Variants in BICD1 observed in about 807,000 individuals in gnomAD.
BICD1 encodes the protein protein bicaudal D homolog 1.
Under a neutral mutation model 92.5 loss-of-function variants are expected in BICD1, and 35 were observed. The ratio of observed to expected loss-of-function variants is 0.38; its 90% CI spans 0.29 to 0.50. BICD1 has a LOEUF of 0.50. Among genes scored for constraint, BICD1 ranks in the 20% least tolerant of loss-of-function variants. The pLI is 0.93. For synonymous variants in BICD1, 429 were observed against 465.1 expected (o/e 0.92, Z 1.00); for missense variants, 950 against 1,189.8 (o/e 0.80, Z 2.97).
chr12:32,110,145 G>A (rs1433195611), intron 1 of BICD1, among the ~76,000 whole-genome samples: 4 of 152,196 alleles, frequency 2.6e-5, no homozygotes, highest in Non-Finnish European at 5.9e-5. Context: ...AGTCTTTGCA[G>A]ATCATTTTGT....
In BICD1 at chr12:32,117,754, A is replaced by ATT. The variant is rs1280074338; in HGVS notation, c.213+10211_213+10212insTT. 4.6e-3 allele frequency among the ~76,000 whole-genome samples: 484 copies of ATT among 106,080 alleles called. 3 individuals carry two copies. Among genetic ancestry groups the ATT allele is most frequent in the African/African-American group, 0.014 (448 of 32,398 alleles). 69.6% of individuals were successfully genotyped at this position (106,080 alleles called of 152,430 possible). A position where few individuals can be genotyped will look rare whatever the true frequency, so the allele number is the denominator to read the frequency against. ...CACACACATATATATATATATATAT[A>ATT]TATATTTTTTTTTAAGACCATATTT... is the stretch of plus-strand genomic sequence containing the variant. On this transcript the variant is annotated intron_variant, in intron 1 of 9. Coordinates refer to ENST00000652176, the MANE Select transcript of BICD1 (RefSeq NM_001714.4).
At chr12:32,254,721 T>A (rs561620273) in intron 2 of BICD1, among the ~76,000 whole-genome samples, 3 of 152,162 alleles carry the variant, frequency 2.0e-5, no homozygotes. Context: ...TTGGGCCAAG[T>A]CTTCTGGAAT....
intron 8 of BICD1, among the ~76,000 whole-genome samples, chr12:32,366,650 T>TAAACAAAC (rs143879118): frequency 2.6e-5 from 4 of 152,036 alleles, no homozygotes; most frequent in African/African-American, 9.7e-5. Context: ...CTGTCTCAAA[T>TAAACAAAC]AAACAAACAA....
chr12:32,154,102 C>T (rs1943367399), intron 1 of BICD1, among the ~76,000 whole-genome samples: 1 of 151,948 alleles, frequency 6.6e-6, no homozygotes, highest in Non-Finnish European at 1.5e-5. Context: ...TATTGCTGTG[C>T]AGGCAAAAAA....
At chr12:32,194,852 C>T (rs1188678450) in intron 1 of BICD1, among the ~76,000 whole-genome samples, 2 of 151,670 alleles carry the variant, frequency 1.3e-5, no homozygotes, top group Non-Finnish European at 2.9e-5. Flanking sequence ...ATTGCACTCC[C>T]GCCTGGGCAA....
chr12:32,294,781 C>T (rs1374158244), intron 3 of BICD1, among the ~76,000 whole-genome samples: 1 of 151,602 alleles, frequency 6.6e-6, no homozygotes, highest in Admixed American at 6.6e-5. Flanking sequence ...TCAAGAAGAG[C>T]AAAATTATAA....
chr12:32,348,648 G>A (rs1284316770), intron 8 of BICD1, among the ~76,000 whole-genome samples: 2 of 147,862 alleles, frequency 1.4e-5, no homozygotes, highest in African/African-American at 5.0e-5. Context: ...TGAGGCCCAG[G>A]ACATTCCAGG....
intron 2 of BICD1, among the ~76,000 whole-genome samples, chr12:32,236,682 C>T (rs1477034665): frequency 6.6e-6 from 1 of 152,082 alleles, no homozygotes; most frequent in African/African-American, 2.4e-5. Context: ...AAAAGCTAGG[C>T]CTATTGTGCC....
intron 1 of BICD1, among the ~76,000 whole-genome samples, chr12:32,115,170 A>G (rs1274298675): frequency 6.6e-6 from 1 of 152,052 alleles, no homozygotes; most frequent in Non-Finnish European, 1.5e-5. Context: ...TCTATTTTTC[A>G]TTTCAAGAGT....
intron 2 of BICD1, among the ~76,000 whole-genome samples, chr12:32,272,333 T>G (rs1440914314): frequency 1.3e-5 from 2 of 152,156 alleles, no homozygotes; most frequent in African/African-American, 4.8e-5. Context: ...ATTACAAAGT[T>G]TTCCAGAGCT....
At chr12:32,175,889 AC>A in intron 1 of BICD1, among the ~76,000 whole-genome samples, 1 of 152,220 alleles carries the variant, frequency 6.6e-6, no homozygotes, top group African/African-American at 2.4e-5. Context: ...CCCTGTTCGC[AC>A]CTTTACCCCT....
intron 4 of BICD1, among the ~76,000 whole-genome samples, chr12:32,315,094 A>G (rs940384820): frequency 2.0e-5 from 3 of 152,138 alleles, no homozygotes; most frequent in African/African-American, 7.2e-5. Flanking sequence ...TATCTCTTAC[A>G]TTTAGGTCTT....
intron 2 of BICD1, among the ~76,000 whole-genome samples, chr12:32,239,953 A>G (rs1402106875): frequency 2.0e-5 from 3 of 152,134 alleles, no homozygotes; most frequent in Non-Finnish European, 4.4e-5. Context: ...TAGATATGGT[A>G]TTGAACACTT....
Position 32,357,080 on chromosome 12 carries a change from C to T in BICD1, c.2765-10590C>T, listed in dbSNP as rs1049193134. Among the ~76,000 whole-genome samples the T allele has an allele frequency of 4.7e-5, 7 of 148,526 alleles. No homozygotes were observed. In the East Asian group the frequency reaches 6.0e-4, roughly 13 times the overall value. On this transcript the variant is annotated intron_variant, in intron 8 of 9. Coordinates refer to ENST00000652176, the MANE Select transcript of BICD1 (RefSeq NM_001714.4). ...AAGCTGGAGTGTGATGGCGCGATCT[C>T]GGCTCATTGCAACCTCCACCCCCCG...
chr12:32,122,054 C>CATCT (rs1942174072), intron 1 of BICD1, among the ~76,000 whole-genome samples: 1 of 152,062 alleles, frequency 6.6e-6, no homozygotes, highest in South Asian at 2.1e-4. Context: ...GGACTCAAGA[C>CATCT]ATCTACCTGC....
intron 2 of BICD1, among the ~76,000 whole-genome samples, chr12:32,226,800 T>C (rs192648736): frequency 6.6e-6 from 1 of 152,314 alleles, no homozygotes; most frequent in Non-Finnish European, 1.5e-5. Flanking sequence ...CCAGAAACAC[T>C]AGCAGGTAAG....
chr12:32,365,054 G>A (rs555152674), intron 8 of BICD1, among the ~76,000 whole-genome samples: 11 of 152,186 alleles, frequency 7.2e-5, no homozygotes, highest in Admixed American at 5.2e-4. Flanking sequence ...TGGTTAACAC[G>A]GTGAAACCCC....
intron 2 of BICD1, among the ~76,000 whole-genome samples, chr12:32,218,819 A>G (rs1945432640): frequency 6.6e-6 from 1 of 152,216 alleles, no homozygotes; most frequent in Admixed American, 6.5e-5. Flanking sequence ...AGAGCTGGTG[A>G]TATTACTATA....
intron 1 of BICD1, among the ~76,000 whole-genome samples, chr12:32,115,949 C>G (rs1321850256): frequency 6.6e-6 from 1 of 152,124 alleles, no homozygotes; most frequent in Non-Finnish European, 1.5e-5. Flanking sequence ...CTTCTTTGCC[C>G]TCTGAAAGCT....
Sources: gnomAD v4.1 joint callset for allele counts (sites outside exome capture counted in the v4.1 genomes callset) on GRCh38, gnomAD v4.1.1 for gene constraint, MANE v1.5 for transcripts, NCBI Gene and HGNC (gene_info 2026-07-23, HGNC 2026-07-21) for gene names.